The following ACCSL variants were observed in gnomAD, a reference collection of about 807,000 sequenced individuals.
ACCSL encodes the protein probable inactive 1-aminocyclopropane-1-carboxylate synthase-like protein 2.
Under a neutral mutation model 61.7 loss-of-function variants are expected in ACCSL, and 55 were observed. The ratio of observed to expected loss-of-function variants is 0.89; its 90% CI spans 0.72 to 1.12. The LOEUF (loss-of-function observed/expected upper bound fraction) is 1.12. ACCSL is among the 50% of genes most tolerant of loss of function. The pLI is 0.00. For synonymous variants in ACCSL, 258 were observed against 264.3 expected (o/e 0.98, Z 0.23); for missense variants, 632 against 698.0 (o/e 0.91, Z 1.07).
At chr11:43,969,629 C>T in the ACCSL span, among the ~76,000 whole-genome samples, 4 of 151,968 alleles carry the variant, frequency 2.6e-5, no homozygotes, top group African/African-American at 4.8e-5. Flanking sequence ...CAGTGACTCC[C>T]GGGTTCCCAG....
rs1188197755 is a variant in ACCSL, at chr11:44,056,214, T to G, written c.1215T>G (p.Gly405=). 3 of 1,614,094 alleles carry G rather than the reference T, an allele frequency of 1.9e-6. No homozygotes were observed. The highest frequency in any genetic ancestry group is 1.7e-5 in the Admixed American group (1 of 60,008). The change falls in exon 11 of 14, where the codon GGT becomes GGG. Residue 405 remains glycine (G), a synonymous_variant. Coordinates refer to ENST00000378832, the MANE Select transcript of ACCSL (RefSeq NM_001031854.2). ...TTGGCATCTCTGGCTTCCGCTTTGG[T>G]GCTCTGTATACCCACAACAAGGAGG... ...KDFGISGFRF[G]ALYTHNKEVA...
the ACCSL span, among the ~76,000 whole-genome samples, chr11:43,936,158 G>C: frequency 1.3e-4 from 20 of 152,238 alleles, no homozygotes; most frequent in Admixed American, 1.3e-3. Flanking sequence ...GGCATCAGCA[G>C]TAACAACACC....
chr11:44,023,061 TTC>T, the ACCSL span, among the ~76,000 whole-genome samples: 455 of 135,772 alleles, frequency 3.4e-3, 7 homozygotes, highest in South Asian at 0.026. Context: ...TTTTTTTTTT[TTC>T]GAGAAAGAGT....
chr11:44,008,475 T>C, the ACCSL span, among the ~76,000 whole-genome samples: 131,193 of 152,274 alleles, frequency 0.86, 56,666 homozygotes, highest in African/African-American at 0.91. Context: ...CCACAGGGGC[T>C]GTCCTTCTTC....
At chr11:43,941,532 C>T in the ACCSL span, among the ~76,000 whole-genome samples, 2 of 152,246 alleles carry the variant, frequency 1.3e-5, no homozygotes, top group African/African-American at 4.8e-5. Flanking sequence ...TTGGCCATGG[C>T]CAGGCTCACA....
chr11:43,943,715 G>A, the ACCSL span: 39 of 1,304,308 alleles, frequency 3.0e-5, no homozygotes, highest in African/African-American at 4.6e-5. The surrounding 1 kb of genome is among the most constrained non-coding windows in gnomAD (Gnocchi z 4.8). Context: ...ATTGTTAGGC[G>A]TGGCCGTTGG....
At chr11:43,963,941 A>G in the ACCSL span, among the ~76,000 whole-genome samples, 7 of 152,136 alleles carry the variant, frequency 4.6e-5, no homozygotes, top group Admixed American at 4.6e-4. Context: ...AAATCATGAC[A>G]TTTATTTTTT....
the ACCSL span, among the ~76,000 whole-genome samples, chr11:43,982,410 T>C: frequency 6.6e-6 from 1 of 151,826 alleles, no homozygotes; most frequent in Non-Finnish European, 1.5e-5. Context: ...GTATTTTTAG[T>C]AGAGACAGGG....
At chr11:44,046,190 C>T (rs183511417), upstream of ACCSL, among the ~76,000 whole-genome samples, 17 of 152,306 alleles carry the variant, frequency 1.1e-4, 1 homozygote, top group East Asian at 9.6e-4. Flanking sequence ...GTGGAAGAGA[C>T]GGTTTCTCTA....
chr11:43,935,620 G>C, the ACCSL span, among the ~76,000 whole-genome samples: 1 of 152,356 alleles, frequency 6.6e-6, no homozygotes, highest in African/African-American at 2.4e-5. Context: ...GCCAGACACA[G>C]AGTGAGTGTT....
the ACCSL span, chr11:43,925,612 G>C: frequency 2.7e-6 from 1 of 375,326 alleles, no homozygotes; most frequent in Non-Finnish European, 5.5e-6. Context: ...TCACAGTACT[G>C]CCTGCAAGGG....
chr11:43,957,105 A>G, the ACCSL span, among the ~76,000 whole-genome samples: 1 of 152,220 alleles, frequency 6.6e-6, no homozygotes, highest in Non-Finnish European at 1.5e-5. Context: ...TGATGAATTT[A>G]GAGGTTTACT....
In ACCSL at chr11:44,052,738, T is replaced by C. The variant is rs759364468; in HGVS notation, c.849T>C (p.Ile283=). ...SSRLYAKVEL[I]PVHLESEVTV... Reference sequence around the variant, plus strand: ...GCCTGTATGCAAAGGTTGAGTTGATTCCTGTCCACCTGGAGAGTGAGGTCT... The same window carrying C: ...GCCTGTATGCAAAGGTTGAGTTGATCCCTGTCCACCTGGAGAGTGAGGTCT... Residue 283 remains isoleucine (I), a synonymous_variant, in exon 6 of 14, where the codon ATT becomes ATC. Coordinates refer to ENST00000378832, the MANE Select transcript of ACCSL (RefSeq NM_001031854.2). 4 of 1,614,118 alleles carry C rather than the reference T, an allele frequency of 2.5e-6. No homozygotes were observed. The Admixed American group carries it at 6.7e-5, about 27-fold the overall frequency.
At chr11:43,976,782 C>A in the ACCSL span, among the ~76,000 whole-genome samples, 1 of 152,144 alleles carries the variant, frequency 6.6e-6, no homozygotes, top group African/African-American at 2.4e-5. Flanking sequence ...ATGGACACAC[C>A]AGACTACAAG....
chr11:43,947,739 AAGAGAGAGAGAGAGAGAGAGAGAGAGGG>A, the ACCSL span, among the ~76,000 whole-genome samples: 1 of 102,046 alleles, frequency 9.8e-6, no homozygotes, highest in Non-Finnish European at 2.2e-5. Context: ...GAGACAGTGA[AAGAGAGAGAGAGAGAGAGAGAGAGAGGG>A]AGAGAGAGAG....
chr11:44,019,041 T>C, the ACCSL span, among the ~76,000 whole-genome samples: 3 of 152,230 alleles, frequency 2.0e-5, no homozygotes, highest in Non-Finnish European at 4.4e-5. Flanking sequence ...ATCATATGAA[T>C]GAAGTAATAC....
intron 8 of ACCSL, 92 bp downstream of exon 8, chr11:44,053,598 C>A: frequency 8.2e-7 from 1 of 1,213,850 alleles, no homozygotes; most frequent in African/African-American, 1.5e-5. Flanking sequence ...TCTGGTGGCA[C>A]ATGCCTGTAA....
the ACCSL span, among the ~76,000 whole-genome samples, chr11:43,994,290 A>G: frequency 6.6e-6 from 1 of 152,238 alleles, no homozygotes; most frequent in African/African-American, 2.4e-5. Context: ...CCTCACTGAT[A>G]GTGCCACTGG....
chr11:43,990,078 C>T, the ACCSL span, among the ~76,000 whole-genome samples: 1 of 152,218 alleles, frequency 6.6e-6, no homozygotes, highest in African/African-American at 2.4e-5. Flanking sequence ...GCATGCCTGG[C>T]TTTGAGTCCC....
Sources: gnomAD v4.1 joint callset for allele counts (sites outside exome capture counted in the v4.1 genomes callset) on GRCh38, gnomAD v4.1.1 for gene constraint, Gnocchi (gnomAD v3.1) non-coding constraint, MANE v1.5 for transcripts, NCBI Gene and HGNC (gene_info 2026-07-23, HGNC 2026-07-21) for gene names.